The following C2orf76 variants were observed in gnomAD, a reference collection of about 807,000 sequenced individuals.
C2orf76 encodes chromosome 2 open reading frame 76, also known as UPF0538 protein C2orf76.
C2orf76 carries 23 observed loss-of-function variants against 16.9 expected under a neutral mutation model. The ratio of observed to expected loss-of-function variants is 1.36; its 90% CI spans 0.98 to 1.93. The LOEUF is 1.93. Among genes scored for constraint, C2orf76 ranks in the 30% most tolerant of loss-of-function variants. The probability of loss-of-function intolerance (pLI) is 0.00; values close to 1 mark genes in which losing one functional copy is unlikely to be tolerated. For synonymous variants in C2orf76, 48 were observed against 52.3 expected (o/e 0.92, Z 0.35); for missense variants, 152 against 152.6 (o/e 1.00, Z 0.02).
At chr2:119,282,095 G>A in the C2orf76 span, among the ~76,000 whole-genome samples, 69 of 151,880 alleles carry the variant, frequency 4.5e-4, 1 homozygote, top group South Asian at 9.2e-3. Context: ...GCAGGGAGCC[G>A]AGATCATGCC....
chr2:119,296,298 A>G, the C2orf76 span, among the ~76,000 whole-genome samples: 2 of 152,218 alleles, frequency 1.3e-5, no homozygotes, highest in African/African-American at 4.8e-5. Flanking sequence ...TTCCACTTCA[A>G]TTAGCTTTGC....
intron 5 of C2orf76, among the ~76,000 whole-genome samples, chr2:119,306,350 GGTTCC>G (rs1425785605): frequency 2.6e-5 from 4 of 152,158 alleles, no homozygotes; most frequent in Admixed American, 6.5e-5. Flanking sequence ...TGAACGACAG[GGTTCC>G]AGTTGGGGGC....
intron 4 of C2orf76, among the ~76,000 whole-genome samples, chr2:119,312,234 C>T (rs770203722): frequency 6.6e-6 from 1 of 152,132 alleles, no homozygotes; most frequent in Non-Finnish European, 1.5e-5. Flanking sequence ...CTGAGAGAAG[C>T]AAGTATACTT....
At chr2:119,354,638 C>T (rs1474650857) in intron 1 of C2orf76, among the ~76,000 whole-genome samples, 3 of 152,146 alleles carry the variant, frequency 2.0e-5, no homozygotes, top group African/African-American at 7.2e-5. Flanking sequence ...CTGCATAATA[C>T]AAATGAAAGC....
In C2orf76 at chr2:119,334,692, G is replaced by GAAA. The variant is rs371801316; in HGVS notation, c.133+5132_133+5134dup. ...GCAACTGGAATGAGACTCTCTCTCA[G>GAAA]AAAAAAACAAAATATATATATATAT... On this transcript the variant is annotated intron_variant, in intron 2 of 5. Coordinates refer to ENST00000334816, the MANE Select transcript of C2orf76 (RefSeq NM_001322331.2). 7.1e-3 allele frequency among the ~76,000 whole-genome samples: 924 copies of GAAA among 129,652 alleles called. 13 individuals are homozygous for GAAA. Among genetic ancestry groups the GAAA allele is most frequent in the African/African-American group, 0.024 (861 of 35,166 alleles). 85.1% of individuals were successfully genotyped at this position (129,652 alleles called of 152,430 possible).
At chr2:119,334,555 T>C (rs1679782302) in intron 2 of C2orf76, among the ~76,000 whole-genome samples, 1 of 151,402 alleles carries the variant, frequency 6.6e-6, no homozygotes, top group South Asian at 2.1e-4. Flanking sequence ...CCAGGCATGG[T>C]GGCATGCATC....
At chr2:119,364,188 T>A (rs956536270) in intron 1 of C2orf76, among the ~76,000 whole-genome samples, 2 of 150,002 alleles carry the variant, frequency 1.3e-5, no homozygotes, top group African/African-American at 2.4e-5. Context: ...ACCCACCGAG[T>A]GAAGCCTGTG....
intron 3 of C2orf76, among the ~76,000 whole-genome samples, chr2:119,319,181 T>C (rs1679269089): frequency 6.6e-6 from 1 of 152,188 alleles, no homozygotes; most frequent in Admixed American, 6.5e-5. Flanking sequence ...ATTTTGCTAA[T>C]GAGCCTTTAA....
intron 4 of C2orf76, among the ~76,000 whole-genome samples, chr2:119,312,525 C>CA (rs1439210393): frequency 6.6e-6 from 1 of 152,170 alleles, no homozygotes; most frequent in Non-Finnish European, 1.5e-5. Flanking sequence ...ACTGGTATTA[C>CA]AGGCATGAGC....
the C2orf76 span, among the ~76,000 whole-genome samples, chr2:119,295,105 G>C: frequency 6.6e-6 from 1 of 152,150 alleles, no homozygotes; most frequent in Non-Finnish European, 1.5e-5. Context: ...CTACGGCAAA[G>C]GTGTGCCTCC....
chr2:119,362,069 C>A (rs1393059261), intron 1 of C2orf76, among the ~76,000 whole-genome samples: 1 of 152,118 alleles, frequency 6.6e-6, no homozygotes, highest in East Asian at 1.9e-4. Flanking sequence ...AAGACCAACC[C>A]TTCCTCTTCC....
Position 119,358,238 on chromosome 2 carries a change from A to C in C2orf76, c.-13+8552T>G, listed in dbSNP as rs1169461694. On this transcript the variant is annotated intron_variant, in intron 1 of 5. Transcript: ENST00000334816. The stretch of plus-strand genomic sequence containing the variant: ...CCAAACAGCCAAGTTGTGAATACAA[A>C]GGAAAAGTTATTGAGGAAATTAAAA... 2.0e-5 allele frequency among the ~76,000 whole-genome samples: 3 copies of C among 152,226 alleles called. No homozygotes were observed. In the East Asian group the frequency reaches 5.8e-4, roughly 29 times the overall value.
chr2:119,355,459 C>A (rs1680541728), intron 1 of C2orf76, among the ~76,000 whole-genome samples: 1 of 152,150 alleles, frequency 6.6e-6, no homozygotes, highest in Non-Finnish European at 1.5e-5. Context: ...TTGCTTGCAG[C>A]CCTTTATAAA....
chr2:119,346,840 A>G (rs1680218059), intron 1 of C2orf76, among the ~76,000 whole-genome samples: 1 of 152,202 alleles, frequency 6.6e-6, no homozygotes, highest in African/African-American at 2.4e-5. Flanking sequence ...AATCTAAATG[A>G]GGTTCATTGC....
At chr2:119,295,513 C>T in the C2orf76 span, among the ~76,000 whole-genome samples, 1 of 152,136 alleles carries the variant, frequency 6.6e-6, no homozygotes. Context: ...GGAAGAAGCC[C>T]TCACCACCCT....
At chr2:119,365,835 TC>T (rs1680950051) in intron 1 of C2orf76, among the ~76,000 whole-genome samples, 1 of 151,892 alleles carries the variant, frequency 6.6e-6, no homozygotes, top group Non-Finnish European at 1.5e-5. Context: ...TTCCCCTCCG[TC>T]TCCTCATCCT....
At chr2:119,313,439 T>G (rs1429839413) in intron 4 of C2orf76, among the ~76,000 whole-genome samples, 1 of 151,712 alleles carries the variant, frequency 6.6e-6, no homozygotes, top group Non-Finnish European at 1.5e-5. Flanking sequence ...AAAAAAAGTT[T>G]TATTTAATTA....
intron 2 of C2orf76, among the ~76,000 whole-genome samples, chr2:119,337,174 G>A (rs1679876051): frequency 6.6e-6 from 1 of 151,818 alleles, no homozygotes; most frequent in Admixed American, 6.6e-5. Context: ...TCCCACCTCA[G>A]CCTCCTGAGT....
chr2:119,316,661 C>T (rs1278793829), intron 4 of C2orf76, among the ~76,000 whole-genome samples: 1 of 152,050 alleles, frequency 6.6e-6, no homozygotes, highest in Non-Finnish European at 1.5e-5. Flanking sequence ...TTAATAAATA[C>T]TTCATTCAAA....
Sources: allele counts gnomAD v4.1 joint callset (sites outside exome capture counted in the v4.1 genomes callset), GRCh38; gene constraint gnomAD v4.1.1; transcripts MANE v1.5; gene names NCBI Gene and HGNC (gene_info 2026-07-23, HGNC 2026-07-21).